The following LSG1 variants were observed in gnomAD, a reference collection of about 807,000 sequenced individuals.
LSG1 encodes the protein large subunit GTPase 1 homolog.
A neutral mutation model predicts 82.6 loss-of-function variants in LSG1; 55 were observed. The ratio of observed to expected loss-of-function variants is 0.67; its 90% CI spans 0.54 to 0.83. The LOEUF is 0.83. Ranked by LOEUF, LSG1 falls within the 40% of genes least tolerant of loss-of-function variation. LSG1 has a pLI of 0.00. For synonymous variants in LSG1, 272 were observed against 282.5 expected, an observed-to-expected ratio of 0.96 and a Z score of 0.37; for missense variants, 809 against 807.9, an observed-to-expected ratio of 1.00 and a Z score of -0.02.
chr3:194,657,087 A>G (rs1718805812), intron 7 of LSG1, among the ~76,000 whole-genome samples: 1 of 152,066 alleles, frequency 6.6e-6, no homozygotes, highest in Non-Finnish European at 1.5e-5. Context: ...AACATGGCAC[A>G]TGTATATATA....
At chr3:194,645,575 GACACACAC>G (rs57272537) in intron 12 of LSG1, among the ~76,000 whole-genome samples, 324 of 20,114 alleles carry the variant, frequency 0.016, 44 homozygotes, top group African/African-American at 0.026. Context: ...CACACAGACA[GACACACAC>G]ACACACACAC....
Position 194,648,667 on chromosome 3 carries a change from G to T in LSG1, c.1543+14C>A. 1 of 1,612,510 alleles carries T rather than the reference G, an allele frequency of 6.2e-7. No individual in the cohort carries two copies. Among genetic ancestry groups the T allele is most frequent in the South Asian group, 1.1e-5 (1 of 90,710 alleles). ...GTTACTTTTGTTCACATTTTCTGAT[G>T]AATCACAACTTACATCCATAAGCTG... On this transcript the variant is annotated intron_variant, in intron 11 of 13. Coordinates refer to ENST00000265245, the MANE Select transcript of LSG1 (RefSeq NM_018385.3).
chr3:194,655,123 C>T (rs1326042629), intron 7 of LSG1, among the ~76,000 whole-genome samples: 1 of 152,128 alleles, frequency 6.6e-6, no homozygotes, highest in Non-Finnish European at 1.5e-5. Context: ...GCAAATGGCG[C>T]CTCACTCTTA....
chr3:194,644,487 A>C (rs1718475589), intron 13 of LSG1, 86 bp downstream of exon 13: 1 of 898,888 alleles, frequency 1.1e-6, no homozygotes, highest in South Asian at 3.0e-5. Context: ...GGGGTTAATA[A>C]AATGTGTTTA....
intron 10 of LSG1, among the ~76,000 whole-genome samples, chr3:194,649,407 G>A (rs186203954): frequency 1.5e-3 from 235 of 152,178 alleles, no homozygotes; most frequent in African/African-American, 5.4e-3. Context: ...TAAAAGGCCA[G>A]GCGTGGTGGC....
intron 5 of LSG1, chr3:194,661,018 G>A (rs997586648): frequency 3.5e-5 from 13 of 366,292 alleles, no homozygotes; most frequent in Non-Finnish European, 6.1e-5. Context: ...ACTACCTCAC[G>A]GCAGAGTCTC....
chr3:194,658,554 TAGTTTCTC>T, intron 7 of LSG1, among the ~76,000 whole-genome samples: 1 of 152,244 alleles, frequency 6.6e-6, no homozygotes, highest in East Asian at 1.9e-4. Context: ...TAGGGTTACT[TAGTTTCTC>T]TGTTTTCAAA....
At chr3:194,653,847 C>A (rs957477350) in intron 7 of LSG1, among the ~76,000 whole-genome samples, 3 of 152,142 alleles carry the variant, frequency 2.0e-5, no homozygotes, top group African/African-American at 7.2e-5. Context: ...CCAGTCTGGG[C>A]AACACAGCAA....
Position 194,660,136 on chromosome 3 carries a change from G to GA in LSG1, c.522-4dup. On this transcript the variant is annotated splice_polypyrimidine_tract_variant and splice_region_variant and intron_variant, in intron 5 of 13. Coordinates refer to ENST00000265245, the MANE Select transcript of LSG1 (RefSeq NM_018385.3). ...CTACTATCTGGACCACAATATCACT[G>GA]AAAAACAAACACGAGATAGACCAAT... is the stretch of plus-strand genomic sequence containing the variant. 1 of 1,613,192 alleles carries GA rather than the reference G, an allele frequency of 6.2e-7. No individual in the cohort carries two copies. Among genetic ancestry groups the GA allele is most frequent in the South Asian group, 1.1e-5 (1 of 91,038 alleles).
chr3:194,658,540 A>G (rs1240135949), intron 7 of LSG1, among the ~76,000 whole-genome samples: 1 of 152,178 alleles, frequency 6.6e-6, no homozygotes, highest in African/African-American at 2.4e-5. Flanking sequence ...GGTATATCCT[A>G]ATTTAGGGTT....
At chr3:194,670,508 T>C (rs965819805) in intron 1 of LSG1, among the ~76,000 whole-genome samples, 2 of 152,184 alleles carry the variant, frequency 1.3e-5, no homozygotes, top group African/African-American at 2.4e-5. Flanking sequence ...TTATTTGATA[T>C]AATCCCACAA....
chr3:194,659,930 G>A, intron 6 of LSG1, 143 bp downstream of exon 6: 1 of 661,084 alleles, frequency 1.5e-6, no homozygotes, highest in Non-Finnish European at 2.7e-6. Context: ...CGTTCTGCAA[G>A]CTCCTGGCCT....
At chr3:194,671,784 G>A in intron 1 of LSG1, 1 of 481,644 alleles carries the variant, frequency 2.1e-6, no homozygotes, top group Non-Finnish European at 3.7e-6. Flanking sequence ...GGCTTCTAGG[G>A]CAAAACCCAA....
chr3:194,666,802 G>A (rs112576348), intron 2 of LSG1, among the ~76,000 whole-genome samples: 80 of 152,264 alleles, frequency 5.3e-4, no homozygotes, highest in African/African-American at 1.9e-3. Context: ...ATTTCATACT[G>A]TGTCTATATC....
intron 8 of LSG1, 74 bp from the exon 9 acceptor site, chr3:194,651,290 G>A: frequency 9.8e-7 from 1 of 1,016,166 alleles, no homozygotes; most frequent in Non-Finnish European, 1.5e-6. Flanking sequence ...TGACATAGAT[G>A]GTGGCAAGAC....
chr3:194,648,885 A>C (rs770694579), intron 10 of LSG1, 81 bp from the exon 11 acceptor site: 11 of 1,430,264 alleles, frequency 7.7e-6, no homozygotes, highest in Non-Finnish European at 1.1e-5. Flanking sequence ...AGAACATGGC[A>C]CTTCATTCCG....
chr3:194,650,005 C>T (rs191918736), intron 10 of LSG1, among the ~76,000 whole-genome samples: 100 of 152,132 alleles, frequency 6.6e-4, no homozygotes, highest in African/African-American at 2.1e-3. Flanking sequence ...CTGCAACCTC[C>T]GCCTCCCAGG....
intron 13 of LSG1, 141 bp downstream of exon 13, chr3:194,644,431 CT>C (rs1718474424): frequency 3.6e-6 from 1 of 279,636 alleles, no homozygotes; most frequent in African/African-American, 2.2e-5. Context: ...AATAAGGTTT[CT>C]TTTGGGAATT....
In LSG1 at chr3:194,667,947, ATAT is replaced by A. The variant is rs1719066393; in HGVS notation, c.227-1378_227-1376del. ...TCAAAAAAAAAAAAAAAAAAAATATATATATATATATATATATATATAGCTTTA... is the reference window on the plus strand; with the variant it reads ...TCAAAAAAAAAAAAAAAAAAAATATAATATATATATATATATATAGCTTTA... On this transcript the variant is annotated intron_variant, in intron 2 of 13. Coordinates refer to ENST00000265245, the MANE Select transcript of LSG1 (RefSeq NM_018385.3). 8.4e-5 allele frequency among the ~76,000 whole-genome samples: 7 copies of A among 83,026 alleles called. No individual in the cohort carries two copies. In the South Asian group the frequency reaches 2.7e-3, roughly 32 times the overall value. 54.5% of individuals were successfully genotyped at this position (83,026 alleles called of 152,430 possible).
Sources: gnomAD v4.1 joint callset for allele counts (sites outside exome capture counted in the v4.1 genomes callset) on GRCh38, gnomAD v4.1.1 for gene constraint, MANE v1.5 for transcripts, NCBI Gene and HGNC (gene_info 2026-07-23, HGNC 2026-07-21) for gene names.